The following XKR4 variants were observed in gnomAD, a reference collection of about 807,000 sequenced individuals.
The protein encoded by XKR4 is XK related 4, also known as XK-related protein 4.
A neutral mutation model predicts 53.9 loss-of-function variants in XKR4; 12 were observed. The ratio of observed to expected loss-of-function variants is 0.22; its 90% CI spans 0.14 to 0.36. The LOEUF (loss-of-function observed/expected upper bound fraction) is 0.36. Ranked by LOEUF, XKR4 falls within the 10% of genes least tolerant of loss-of-function variation. XKR4 has a pLI of 1.00. For synonymous variants in XKR4, 354 were observed against 362.4 expected (o/e 0.98, Z 0.26); for missense variants, 799 against 859.5 (o/e 0.93, Z 0.88).
At chr8:55,149,530 A>G (rs533138468) in intron 1 of XKR4, among the ~76,000 whole-genome samples, 5 of 152,300 alleles carry the variant, frequency 3.3e-5, no homozygotes, top group African/African-American at 7.2e-5. Context: ...GTTTAAATTT[A>G]TACATTACAT....
At chr8:55,250,850 T>C (rs1818352633) in intron 1 of XKR4, among the ~76,000 whole-genome samples, 1 of 152,240 alleles carries the variant, frequency 6.6e-6, no homozygotes, top group Non-Finnish European at 1.5e-5. Context: ...CAATGATTCT[T>C]TACCTTAAAA....
At chr8:55,373,449 G>A (rs978922502) in intron 2 of XKR4, among the ~76,000 whole-genome samples, 2 of 152,112 alleles carry the variant, frequency 1.3e-5, no homozygotes, top group Non-Finnish European at 2.9e-5. Flanking sequence ...TTACAGGCAT[G>A]AACCACCGCA....
intron 1 of XKR4, among the ~76,000 whole-genome samples, chr8:55,282,706 G>A (rs1265751580): frequency 6.6e-6 from 1 of 152,172 alleles, no homozygotes; most frequent in Non-Finnish European, 1.5e-5. Flanking sequence ...TTTGACACGA[G>A]ATTTGGAGGG....
chr8:55,498,545 C>T (rs1806391376), intron 2 of XKR4, among the ~76,000 whole-genome samples: 1 of 152,048 alleles, frequency 6.6e-6, no homozygotes, highest in South Asian at 2.1e-4. Flanking sequence ...TTTGGGAGGC[C>T]GAGGTGGGAG....
chr8:55,340,438 G>C (rs934140755), intron 1 of XKR4, among the ~76,000 whole-genome samples: 20 of 152,210 alleles, frequency 1.3e-4, no homozygotes, highest in African/African-American at 4.8e-4. Context: ...ATGTACAACA[G>C]AATCACCAGC....
intron 1 of XKR4, among the ~76,000 whole-genome samples, chr8:55,344,589 T>A (rs1025640832): frequency 6.6e-6 from 1 of 152,222 alleles, no homozygotes; most frequent in Non-Finnish European, 1.5e-5. Context: ...CTTCTCCATT[T>A]GAATACACAT....
At chr8:55,251,284 T>C (rs1294335412) in intron 1 of XKR4, among the ~76,000 whole-genome samples, 1 of 152,242 alleles carries the variant, frequency 6.6e-6, no homozygotes, top group Non-Finnish European at 1.5e-5. Flanking sequence ...GTTATTACTT[T>C]TCAGGTGTCA....
In XKR4 at chr8:55,400,547, C is replaced by T. The variant is rs144870956; in HGVS notation, c.1006+42670C>T. ...AGTGAGAGGAGGAATCCCCATGGGG[C>T]GGTAATGAGGGAGTCCAAGTGGCTT... On this transcript the variant is annotated intron_variant, in intron 2 of 2. Coordinates refer to ENST00000327381, the MANE Select transcript of XKR4 (RefSeq NM_052898.2). Among the ~76,000 whole-genome samples the T allele has an allele frequency of 6.8e-3, 1,036 of 152,146 alleles. 10 individuals are homozygous for T. Among genetic ancestry groups the T allele is most frequent in the African/African-American group, 0.024 (977 of 41,510 alleles).
intron 2 of XKR4, among the ~76,000 whole-genome samples, chr8:55,392,783 C>G (rs151071739): frequency 6.6e-6 from 1 of 151,970 alleles, no homozygotes; most frequent in Non-Finnish European, 1.5e-5. Context: ...AGAGCCAGAC[C>G]CTTTCTCAAA....
intron 1 of XKR4, among the ~76,000 whole-genome samples, chr8:55,352,797 A>C (rs1803741520): frequency 6.6e-6 from 1 of 152,170 alleles, no homozygotes; most frequent in East Asian, 1.9e-4. Flanking sequence ...CCAAAATAGA[A>C]ACCCAAAGAA....
rs1817310492 is a variant in XKR4 at position 55,181,495 on chromosome 8, C to G, written c.806+78201C>G. Among the ~76,000 whole-genome samples the G allele has an allele frequency of 2.0e-5, 3 of 152,040 alleles. No homozygotes were observed. In the South Asian group the frequency reaches 6.2e-4, roughly 32 times the overall value. On this transcript the variant is annotated intron_variant, in intron 1 of 2. Coordinates refer to ENST00000327381, the MANE Select transcript of XKR4 (RefSeq NM_052898.2). ...ACATGTATTATTTTTATTGAAATAT[C>G]TTAGCCAAGCTGAGGGACCACTACG...
intron 1 of XKR4, among the ~76,000 whole-genome samples, chr8:55,192,849 G>C (rs571729823): frequency 6.6e-6 from 1 of 152,286 alleles, no homozygotes; most frequent in African/African-American, 2.4e-5. Context: ...GCCTTTATGG[G>C]AGCGTTGTAG....
intron 2 of XKR4, among the ~76,000 whole-genome samples, chr8:55,439,192 G>A (rs745366642): frequency 6.6e-6 from 1 of 152,182 alleles, no homozygotes; most frequent in Non-Finnish European, 1.5e-5. Flanking sequence ...AGCTAAAAAA[G>A]TAATTGAATG....
intron 1 of XKR4, among the ~76,000 whole-genome samples, chr8:55,264,147 C>G (rs999582416): frequency 1.3e-5 from 2 of 152,168 alleles, no homozygotes; most frequent in Non-Finnish European, 2.9e-5. Context: ...GCCTTGGCAC[C>G]TGCTGTTCTC....
intron 1 of XKR4, among the ~76,000 whole-genome samples, chr8:55,329,305 T>G (rs185825008): frequency 3.9e-5 from 6 of 152,290 alleles, no homozygotes; most frequent in African/African-American, 1.4e-4. Flanking sequence ...CACAGCTGCA[T>G]GTAGCCCAGG....
At chr8:55,219,057 G>A (rs1224689424) in intron 1 of XKR4, among the ~76,000 whole-genome samples, 1 of 148,806 alleles carries the variant, frequency 6.7e-6, no homozygotes, top group Non-Finnish European at 1.5e-5. Flanking sequence ...CTTTATTCTG[G>A]CATAAACGTC....
chr8:55,350,664 A>G (rs1281843165), intron 1 of XKR4, among the ~76,000 whole-genome samples: 1 of 152,050 alleles, frequency 6.6e-6, no homozygotes, highest in Non-Finnish European at 1.5e-5. Context: ...GGTAGTTGCC[A>G]GGGGCTGGGG....
chr8:55,228,200 G>A (rs1441010763), intron 1 of XKR4, among the ~76,000 whole-genome samples: 6 of 152,146 alleles, frequency 3.9e-5, no homozygotes, highest in Admixed American at 2.0e-4. Context: ...GCGTGAGCCA[G>A]TGCACCCGGC....
At chr8:55,453,017 G>A in intron 2 of XKR4, 1 of 660,522 alleles carries the variant, frequency 1.5e-6, no homozygotes, top group Admixed American at 1.8e-5. Context: ...CTAGGGCAGA[G>A]TGCTCTCTCA....
Sources: allele counts gnomAD v4.1 joint callset (sites outside exome capture counted in the v4.1 genomes callset), GRCh38; gene constraint gnomAD v4.1.1; transcripts MANE v1.5; gene names NCBI Gene and HGNC (gene_info 2026-07-23, HGNC 2026-07-21).